The following PRKN variants were observed in gnomAD, a reference collection of about 807,000 sequenced individuals.
The protein encoded by PRKN is parkin RBR E3 ubiquitin protein ligase.
In PRKN, 56 loss-of-function variants were observed where a neutral mutation model predicts 59.5. That is an observed-to-expected ratio of 0.94 (90% CI 0.76 to 1.18). The LOEUF (loss-of-function observed/expected upper bound fraction) is 1.18, where lower values mean the gene tolerates loss of function less well. PRKN is among the 50% of genes most tolerant of loss of function. The pLI is 0.00. For synonymous variants in PRKN, 250 were observed against 222.1 expected (o/e 1.13, Z -1.12); for missense variants, 657 against 596.4 (o/e 1.10, Z -1.06).
At chr6:161,972,230 C>A (rs947248741) in intron 6 of PRKN, among the ~76,000 whole-genome samples, 69 of 150,896 alleles carry the variant, frequency 4.6e-4, no homozygotes, top group African/African-American at 1.7e-3. Flanking sequence ...GCCGAGATCC[C>A]GCCATTGCAC....
chr6:161,352,561 T>C lies in PRKN; in HGVS notation c.1286-2350A>G, dbSNP rs1034092879. Among the ~76,000 whole-genome samples the C allele has an allele frequency of 6.6e-5, 10 of 151,626 alleles. No homozygotes were observed. Among genetic ancestry groups the C allele is most frequent in the Admixed American group, 1.3e-4 (2 of 15,214 alleles). On this transcript the variant is annotated intron_variant, in intron 11 of 11. Coordinates refer to ENST00000366898, the MANE Select transcript of PRKN (RefSeq NM_004562.3). The surrounding 1 kb of genome is among the most constrained non-coding windows in gnomAD (Gnocchi z 5.8). ...TAAATATTTTATCATATCATAAATATATCATTATTATATCATGTATCGTAA... is the reference window on the plus strand; with the variant it reads ...TAAATATTTTATCATATCATAAATACATCATTATTATATCATGTATCGTAA...
chr6:161,835,349 C>T (rs1309221571), intron 6 of PRKN, among the ~76,000 whole-genome samples: 2 of 152,114 alleles, frequency 1.3e-5, no homozygotes, highest in Non-Finnish European at 2.9e-5. Flanking sequence ...AAAACAGATT[C>T]ACGCAGAACC....
intron 7 of PRKN, among the ~76,000 whole-genome samples, chr6:161,684,335 G>A (rs938063184): frequency 6.6e-6 from 1 of 151,904 alleles, no homozygotes; most frequent in South Asian, 2.1e-4. Flanking sequence ...TCCCACCTTG[G>A]CCTCTCAAAG....
rs1781440358 is a variant in PRKN, at chr6:161,584,084, TC to T, written c.872-14669del. On this transcript the variant is annotated intron_variant, in intron 7 of 11. Coordinates refer to ENST00000366898, the MANE Select transcript of PRKN (RefSeq NM_004562.3). This position sits in a 1 kb window ranked among gnomAD's most constrained non-coding sequence, Gnocchi z 4.8. ...TCCCAGAGTATTAGAGACACAACCC[TC>T]CCCTCCTTGGTTGTATGTGTATTCA... Among the ~76,000 whole-genome samples, 1 of 152,112 alleles carries T rather than the reference TC, an allele frequency of 6.6e-6. No homozygotes were observed.
At chr6:161,795,030 A>G (rs559470041) in intron 6 of PRKN, among the ~76,000 whole-genome samples, 56 of 151,080 alleles carry the variant, frequency 3.7e-4, no homozygotes, top group Admixed American at 5.3e-4. Flanking sequence ...GACTACAGGC[A>G]CCCACCACCA....
At chr6:162,137,532 A>G (rs929914925) in intron 4 of PRKN, among the ~76,000 whole-genome samples, 6 of 152,236 alleles carry the variant, frequency 3.9e-5, no homozygotes, top group Non-Finnish European at 7.3e-5. Context: ...TTGTGCTGCT[A>G]TAACAGAACT....
chr6:161,921,212 C>G (rs1778774276), intron 6 of PRKN, among the ~76,000 whole-genome samples: 1 of 152,072 alleles, frequency 6.6e-6, no homozygotes, highest in African/African-American at 2.4e-5. Flanking sequence ...ATTAGCCTAA[C>G]AGGGTCAGGA....
At chr6:161,993,263 G>C (rs1781719574) in intron 5 of PRKN, among the ~76,000 whole-genome samples, 1 of 152,012 alleles carries the variant, frequency 6.6e-6, no homozygotes, top group South Asian at 2.1e-4. Flanking sequence ...ACACGAATAG[G>C]AGACATTACC....
rs1790796355 is a variant in PRKN at position 161,471,673 on chromosome 6, C to A, written c.1083+77181G>T. Among the ~76,000 whole-genome samples the A allele has an allele frequency of 6.6e-6, 1 of 152,178 alleles. No homozygotes were observed. The highest frequency in any genetic ancestry group is 6.5e-5 in the Admixed American group (1 of 15,286). On this transcript the variant is annotated intron_variant, in intron 9 of 11. Coordinates refer to ENST00000366898, the MANE Select transcript of PRKN (RefSeq NM_004562.3). The surrounding 1 kb of genome is among the most constrained non-coding windows in gnomAD (Gnocchi z 4.5). ...AACATCCCCCCACCGTCTGACATCA[C>A]TGGGTAATCTAACAAGATTACAGAA...
At chr6:161,817,956 G>A (rs1791860351) in intron 6 of PRKN, among the ~76,000 whole-genome samples, 1 of 152,172 alleles carries the variant, frequency 6.6e-6, no homozygotes, top group African/African-American at 2.4e-5. Flanking sequence ...GCTCTGATAA[G>A]GTAACTAATA....
intron 9 of PRKN, among the ~76,000 whole-genome samples, chr6:161,435,078 C>T (rs1444193954): frequency 6.6e-6 from 1 of 152,026 alleles, no homozygotes; most frequent in African/African-American, 2.4e-5. Flanking sequence ...CCACTGGTAA[C>T]TAGGTTAATG....
At chr6:162,334,693 T>G (rs1248742205) in intron 2 of PRKN, among the ~76,000 whole-genome samples, 1 of 152,208 alleles carries the variant, frequency 6.6e-6, no homozygotes, top group Non-Finnish European at 1.5e-5. Context: ...AGAAGTATAT[T>G]TCATAAGGCT....
chr6:162,311,283 G>A (rs1782502901), intron 2 of PRKN, among the ~76,000 whole-genome samples: 1 of 152,092 alleles, frequency 6.6e-6, no homozygotes, highest in African/African-American at 2.4e-5. Flanking sequence ...CTTCCTGGGA[G>A]ATGGTTTGTA....
Position 161,573,463 on chromosome 6 carries a change from G to A in PRKN, c.872-4047C>T, listed in dbSNP as rs181151685. On this transcript the variant is annotated intron_variant, in intron 7 of 11. Transcript: ENST00000366898. ...CGGCCAGGTGCGGTGGTTCACGCCT[G>A]TAATCCCAGCACTTTGGGAGGCAGA... Among the ~76,000 whole-genome samples, 14 of 151,752 alleles carry A rather than the reference G, an allele frequency of 9.2e-5. No homozygotes were observed. In the East Asian group the frequency reaches 2.7e-3, roughly 30 times the overall value.
In PRKN at chr6:161,480,511, A is replaced by C. The variant is rs1791339325; in HGVS notation, c.1083+68343T>G. ...GCAGACTCACAAAATGCCAGAAGCG[A>C]GAGTTTGATTCCATTGGTATTAATA... is the stretch of plus-strand genomic sequence containing the variant. On this transcript the variant is annotated intron_variant, in intron 9 of 11. Transcript: ENST00000366898. The surrounding 1 kb of genome is among the most constrained non-coding windows in gnomAD (Gnocchi z 4.1). Among the ~76,000 whole-genome samples, 1 of 152,222 alleles carries C rather than the reference A, an allele frequency of 6.6e-6. No individual in the cohort carries two copies. Among genetic ancestry groups the C allele is most frequent in the South Asian group, 2.1e-4 (1 of 4,824 alleles).
intron 1 of PRKN, among the ~76,000 whole-genome samples, chr6:162,633,732 AT>A (rs1254768031): frequency 2.0e-5 from 3 of 151,962 alleles, no homozygotes; most frequent in Non-Finnish European, 4.4e-5. Context: ...GGATGACAGA[AT>A]AACATGAGGT....
At chr6:162,137,941 C>T (rs558414733) in intron 4 of PRKN, among the ~76,000 whole-genome samples, 5 of 151,812 alleles carry the variant, frequency 3.3e-5, no homozygotes, top group East Asian at 3.9e-4. Context: ...TGAGGTAATG[C>T]GGGACTGTGA....
At chr6:162,706,983 T>A (rs1001219275) in intron 1 of PRKN, among the ~76,000 whole-genome samples, 5 of 152,166 alleles carry the variant, frequency 3.3e-5, no homozygotes, top group African/African-American at 1.2e-4. Flanking sequence ...TATTCTTGGA[T>A]CAAAAATTTC....
chr6:161,791,871 G>T (rs1790651269), intron 6 of PRKN, among the ~76,000 whole-genome samples: 1 of 152,234 alleles, frequency 6.6e-6, no homozygotes, highest in Admixed American at 6.5e-5. Flanking sequence ...TGACTCACAT[G>T]CAATAGGAAA....
Sources: gnomAD v4.1 joint callset for allele counts (sites outside exome capture counted in the v4.1 genomes callset) on GRCh38, gnomAD v4.1.1 for gene constraint, Gnocchi (gnomAD v3.1) non-coding constraint, MANE v1.5 for transcripts, NCBI Gene and HGNC (gene_info 2026-07-23, HGNC 2026-07-21) for gene names.